Variants in CABP1 observed in about 807,000 individuals in gnomAD.
CABP1 encodes calcium-binding protein 1.
Under a neutral mutation model 34.3 loss-of-function variants are expected in CABP1, and 17 were observed. The observed-to-expected ratio is 0.50, with a 90% CI of 0.34 to 0.74. The LOEUF (loss-of-function observed/expected upper bound fraction) is 0.74, where lower values mean the gene tolerates loss of function less well. CABP1 is among the 30% of genes least tolerant of loss of function. CABP1 has a pLI of 0.01. For missense variants in CABP1, 373 were observed against 511.1 expected, an observed-to-expected ratio of 0.73 and a Z score of 2.61; for synonymous variants, 198 against 229.2, an observed-to-expected ratio of 0.86 and a Z score of 1.23.
intron 1 of CABP1, among the ~76,000 whole-genome samples, chr12:120,654,891 T>C (rs1880078933): frequency 6.6e-6 from 1 of 152,108 alleles, no homozygotes; most frequent in African/African-American, 2.4e-5. Flanking sequence ...ACAGCTATAT[T>C]AGGTAAGCAG....
intron 1 of CABP1, among the ~76,000 whole-genome samples, chr12:120,647,613 C>CTCAGG (rs2137330657): frequency 7.0e-6 from 1 of 143,178 alleles, no homozygotes; most frequent in Admixed American, 7.1e-5. Context: ...TGTCGCTCAG[C>CTCAGG]CTGGAGTGCA....
intron 1 of CABP1, among the ~76,000 whole-genome samples, chr12:120,643,492 A>G (rs553328): frequency 0.81 from 123,976 of 152,248 alleles, 51,052 homozygotes; most frequent in African/African-American, 0.94. Flanking sequence ...ATCTGCTTAG[A>G]GAAAAATACA....
In CABP1 at chr12:120,660,426, C is replaced by A; in HGVS notation, c.829+87C>A. ...CAGACAGGACTGGCTTCAAATTCTG[C>A]ATCCACCTCTTACCAGCTCTGTGAT... On this transcript the variant is annotated intron_variant, in intron 3 of 5. Coordinates refer to ENST00000316803, the MANE Select transcript of CABP1 (RefSeq NM_001033677.2). The surrounding 1 kb of genome is among the most constrained non-coding windows in gnomAD (Gnocchi z 5.0). 7.1e-7 allele frequency: 1 copy of A among 1,400,048 alleles called. No individual in the cohort carries two copies. 86.7% of individuals were successfully genotyped at this position (1,400,048 alleles called of 1,614,324 possible).
intron 5 of CABP1, among the ~76,000 whole-genome samples, chr12:120,664,400 G>T (rs1265537637): frequency 6.6e-6 from 1 of 152,176 alleles, no homozygotes. Flanking sequence ...TGAGAGGGAA[G>T]GGCAGGTATT....
the CABP1 span, among the ~76,000 whole-genome samples, chr12:120,680,113 C>T: frequency 2.6e-5 from 4 of 152,238 alleles, no homozygotes; most frequent in Admixed American, 2.0e-4. Context: ...GCAGAGGCTG[C>T]AGTGAGCAGA....
At chr12:120,655,766 C>T (rs1000890189) in intron 1 of CABP1, 1 of 1,481,910 alleles carries the variant, frequency 6.7e-7, no homozygotes, top group African/African-American at 1.4e-5. Flanking sequence ...CCCCCCGCTG[C>T]CCCTGTCTCT....
the CABP1 span, among the ~76,000 whole-genome samples, chr12:120,676,259 G>C: frequency 6.6e-6 from 1 of 152,206 alleles, no homozygotes; most frequent in African/African-American, 2.4e-5. Context: ...GGTGTGGATA[G>C]ACTACCTTCC....
chr12:120,666,396 C>T (rs935471288), intron 5 of CABP1, among the ~76,000 whole-genome samples: 2 of 149,242 alleles, frequency 1.3e-5, no homozygotes, highest in African/African-American at 5.0e-5. Flanking sequence ...ATCGCTTGAA[C>T]CCAGGAGGTG....
intron 1 of CABP1, chr12:120,655,813 G>T (rs1479417543): frequency 1.3e-6 from 2 of 1,492,872 alleles, no homozygotes; most frequent in Non-Finnish European, 1.8e-6. Flanking sequence ...GCATATGTAT[G>T]TGCCAGTGCG....
At chr12:120,642,299 CA>C (rs372094771) in intron 1 of CABP1, among the ~76,000 whole-genome samples, 1 of 151,958 alleles carries the variant, frequency 6.6e-6, no homozygotes, top group African/African-American at 2.4e-5. Context: ...TGTAGGGAAA[CA>C]GGGGGGGCTG....
chr12:120,668,026 A>G (rs1421510151), downstream of CABP1, among the ~76,000 whole-genome samples: 2 of 152,206 alleles, frequency 1.3e-5, no homozygotes, highest in African/African-American at 2.4e-5. Context: ...GAAACACATC[A>G]TATAGGATTA....
At chr12:120,666,756 G>C (rs1881016895) in intron 5 of CABP1, 119 bp from the exon 6 acceptor site, 1 of 1,106,398 alleles carries the variant, frequency 9.0e-7, no homozygotes, top group East Asian at 2.6e-5. Context: ...GGAGAGGGCG[G>C]AATGGATGGG....
At chr12:120,643,499 T>C (rs756744369) in intron 1 of CABP1, among the ~76,000 whole-genome samples, 9 of 152,234 alleles carry the variant, frequency 5.9e-5, no homozygotes, top group Non-Finnish European at 1.2e-4. Context: ...TAGAGAAAAA[T>C]ACAGCCCTGG....
In CABP1 at chr12:120,667,149, C is replaced by T; in HGVS notation, c.*249C>T. 1.7e-6 allele frequency: 1 copy of T among 581,164 alleles called. No individual in the cohort carries two copies. Among genetic ancestry groups the T allele is most frequent in the Non-Finnish European group, 3.1e-6 (1 of 325,588 alleles). The allele number at this position is 581,164 out of a possible 1,614,324, so 36.0% of individuals were successfully genotyped here. A position where few individuals can be genotyped will look rare whatever the true frequency, so the allele number is the denominator to read the frequency against. The stretch of plus-strand genomic sequence containing the variant: ...CGTGCCAAGCCGGCAGAGGTCATGC[C>T]AGGCGCCAAGGGCCATGTGCCCAGC... On this transcript the variant is annotated 3_prime_UTR_variant, in exon 6 of 6. Transcript: ENST00000316803.
chr12:120,678,516 G>C, the CABP1 span, among the ~76,000 whole-genome samples: 3 of 152,142 alleles, frequency 2.0e-5, no homozygotes, highest in Non-Finnish European at 4.4e-5. Flanking sequence ...ATAATTAATA[G>C]CTTCTGTGCA....
chr12:120,672,408 G>A, the CABP1 span, among the ~76,000 whole-genome samples: 455 of 152,068 alleles, frequency 3.0e-3, 3 homozygotes, highest in African/African-American at 0.01. Context: ...CGAAGTGGGC[G>A]GATCACCTGA....
chr12:120,679,681 C>G, the CABP1 span, among the ~76,000 whole-genome samples: 6 of 151,262 alleles, frequency 4.0e-5, no homozygotes, highest in African/African-American at 9.7e-5. Flanking sequence ...TACAAAATTA[C>G]CTGGGCATGG....
chr12:120,667,570 C>G (rs1421644104), downstream of CABP1, among the ~76,000 whole-genome samples: 2 of 152,178 alleles, frequency 1.3e-5, no homozygotes, highest in African/African-American at 4.8e-5. Flanking sequence ...CTCACTGTAA[C>G]CTCTGCTTCC....
intron 1 of CABP1, among the ~76,000 whole-genome samples, chr12:120,642,282 C>A (rs778606581): frequency 6.6e-6 from 1 of 152,014 alleles, no homozygotes; most frequent in South Asian, 2.1e-4. Flanking sequence ...AGAGCGTTTG[C>A]GTGGTTTGTA....
Sources: gnomAD v4.1 joint callset for allele counts (sites outside exome capture counted in the v4.1 genomes callset) on GRCh38, gnomAD v4.1.1 for gene constraint, Gnocchi (gnomAD v3.1) non-coding constraint, MANE v1.5 for transcripts, NCBI Gene and HGNC (gene_info 2026-07-23, HGNC 2026-07-21) for gene names.